NBAS: variants seen among roughly 807,000 people sequenced by gnomAD.
The protein encoded by NBAS is NAG/BC035112 fusion.
Under a neutral mutation model 302.5 loss-of-function variants are expected in NBAS, and 219 were observed. The observed-to-expected ratio is 0.72, with a 90% CI of 0.65 to 0.81. NBAS has a LOEUF of 0.81. NBAS is among the 30% of genes least tolerant of loss of function. The pLI, the probability that NBAS is intolerant of heterozygous loss-of-function variation, is 0.00. For synonymous variants in NBAS, 1,118 were observed against 1,021.6 expected, an observed-to-expected ratio of 1.09 and a Z score of -1.80; for missense variants, 2,932 against 2,841.6, an observed-to-expected ratio of 1.03 and a Z score of -0.72.
chr2:15,234,252 C>G (rs1667495044), intron 46 of NBAS, among the ~76,000 whole-genome samples: 1 of 152,136 alleles, frequency 6.6e-6, no homozygotes, highest in Non-Finnish European at 1.5e-5. Context: ...CTGAAACTTA[C>G]TTACCTGTGT....
At chr2:15,269,376 G>T (rs1478717337) in intron 44 of NBAS, among the ~76,000 whole-genome samples, 1 of 152,114 alleles carries the variant, frequency 6.6e-6, no homozygotes. Flanking sequence ...GATTGAGACA[G>T]GGTTGCCTAT....
At chr2:15,496,213 G>A (rs765680254) in intron 11 of NBAS, among the ~76,000 whole-genome samples, 4 of 151,816 alleles carry the variant, frequency 2.6e-5, no homozygotes, top group Non-Finnish European at 4.4e-5. Context: ...CATGCTAAGC[G>A]AAAAAAGCCA....
At chr2:15,151,952 A>G in the NBAS span, among the ~76,000 whole-genome samples, 2,700 of 152,126 alleles carry the variant, frequency 0.018, 82 homozygotes, top group African/African-American at 0.062. Context: ...GGTTCAAGTG[A>G]TTCTTGTGCC....
the NBAS span, among the ~76,000 whole-genome samples, chr2:14,781,353 G>A: frequency 6.6e-6 from 1 of 152,074 alleles, no homozygotes; most frequent in South Asian, 2.1e-4. Context: ...CCTGAAAAGT[G>A]ACTACTCTGT....
chr2:15,509,087 T>G (rs1662013912), intron 10 of NBAS, among the ~76,000 whole-genome samples: 2 of 152,188 alleles, frequency 1.3e-5, no homozygotes, highest in Non-Finnish European at 2.9e-5. Context: ...TAAACACAGC[T>G]AAATTCCTAC....
chr2:15,375,729 C>T (rs1052160389), intron 30 of NBAS, among the ~76,000 whole-genome samples: 4 of 152,014 alleles, frequency 2.6e-5, no homozygotes, highest in African/African-American at 7.2e-5. Flanking sequence ...CAGATAGGCT[C>T]GCACATGCTC....
the NBAS span, among the ~76,000 whole-genome samples, chr2:14,988,660 G>T: frequency 6.6e-6 from 1 of 152,040 alleles, no homozygotes; most frequent in African/African-American, 2.4e-5. Context: ...ATTCACAAAA[G>T]AATAAATACA....
intron 48 of NBAS, among the ~76,000 whole-genome samples, chr2:15,192,656 G>T (rs1422514816): frequency 6.6e-6 from 1 of 152,134 alleles, no homozygotes; most frequent in African/African-American, 2.4e-5. Context: ...TGAAATCTCA[G>T]AAGTTTTGCT....
chr2:15,132,823 T>A, the NBAS span, among the ~76,000 whole-genome samples: 2 of 150,960 alleles, frequency 1.3e-5, no homozygotes, highest in African/African-American at 2.4e-5. Context: ...AATTTTTTTT[T>A]AAACAGGAAG....
chr2:15,293,040 T>TA (rs1670382334), intron 40 of NBAS, among the ~76,000 whole-genome samples: 1 of 152,078 alleles, frequency 6.6e-6, no homozygotes, highest in Non-Finnish European at 1.5e-5. Flanking sequence ...TCCGAACACT[T>TA]AAAAAACAAT....
chr2:15,153,745 G>A, the NBAS span, among the ~76,000 whole-genome samples: 7 of 152,308 alleles, frequency 4.6e-5, no homozygotes, highest in South Asian at 8.3e-4. Context: ...TATCACCTAC[G>A]TGACCTTGGA....
chr2:14,784,233 G>A, the NBAS span, among the ~76,000 whole-genome samples: 1 of 152,174 alleles, frequency 6.6e-6, no homozygotes, highest in African/African-American at 2.4e-5. Flanking sequence ...TGTCAGATGA[G>A]TAGGTTGTGA....
rs2148055035 is a variant in NBAS at position 15,275,594 on chromosome 2, C to A, written c.5614G>T (p.Glu1872Ter). ...LIKQVPGSSP[E>*]WLHAYDVCMK... ...CAGACATCATAGGCATGAAGCCACT[C>A]CGGTGAAGAGCCTGGGACTTGTTTA... is the stretch of plus-strand genomic sequence containing the variant. Residue 1872 changes from glutamate (E) to a stop codon, truncating the protein, a stop_gained, in exon 44 of 52, where the codon GAG becomes TAG. Coordinates refer to ENST00000281513, the MANE Select transcript of NBAS (RefSeq NM_015909.4). LOFTEE classifies it high-confidence loss of function. The A allele has an allele frequency of 1.2e-6, 2 of 1,614,130 alleles. No homozygotes were observed.
intron 9 of NBAS, among the ~76,000 whole-genome samples, chr2:15,521,933 C>A (rs1662692536): frequency 6.6e-6 from 1 of 152,170 alleles, no homozygotes; most frequent in Non-Finnish European, 1.5e-5. Flanking sequence ...ATATGGCCTG[C>A]ACAGTCTAAA....
At chr2:15,209,031 TA>T (rs946639368) in intron 48 of NBAS, among the ~76,000 whole-genome samples, 3 of 151,454 alleles carry the variant, frequency 2.0e-5, no homozygotes, top group African/African-American at 7.3e-5. Flanking sequence ...TTTTAAAAGA[TA>T]AAACTGACAA....
chr2:14,858,835 G>T, the NBAS span, among the ~76,000 whole-genome samples: 1 of 151,972 alleles, frequency 6.6e-6, no homozygotes, highest in Middle Eastern at 3.2e-3. Context: ...TAGATTGTTT[G>T]CAACACAAAG....
chr2:15,180,355 G>C (rs1197387931), intron 50 of NBAS: 1 of 152,236 alleles, frequency 6.6e-6, no homozygotes, highest in Non-Finnish European at 1.5e-5. Context: ...GTAGCAGTTT[G>C]TAAAACACAT....
intron 4 of NBAS, among the ~76,000 whole-genome samples, chr2:15,553,781 TCTCTCTCCCTCCCTCC>T (rs1452707439): frequency 3.1e-4 from 28 of 89,884 alleles, no homozygotes; most frequent in African/African-American, 1.0e-3. Context: ...TCCCTCTTTC[TCTCTCTCCCTCCCTCC>T]CTCTCTCCCT....
At chr2:15,465,020 A>G (rs1467890797) in intron 19 of NBAS, among the ~76,000 whole-genome samples, 1 of 152,210 alleles carries the variant, frequency 6.6e-6, no homozygotes, top group African/African-American at 2.4e-5. Flanking sequence ...TCTAAGCCTC[A>G]GTTTTCATAC....
Sources: gnomAD v4.1 joint callset for allele counts (sites outside exome capture counted in the v4.1 genomes callset) on GRCh38, gnomAD v4.1.1 for gene constraint, MANE v1.5 for transcripts, NCBI Gene and HGNC (gene_info 2026-07-23, HGNC 2026-07-21) for gene names.